Variants in ARHGAP18 observed in about 807,000 individuals in gnomAD.
The protein encoded by ARHGAP18 is Rho GTPase activating protein 18, also known as rho GTPase-activating protein 18.
Under a neutral mutation model 86.2 loss-of-function variants are expected in ARHGAP18, and 67 were observed. The observed-to-expected ratio is 0.78, with a 90% CI of 0.64 to 0.95. The LOEUF is 0.95. Ranked by LOEUF, ARHGAP18 falls within the 40% of genes least tolerant of loss-of-function variation. ARHGAP18 has a pLI of 0.00. For missense variants in ARHGAP18, 691 were observed against 780.4 expected, an observed-to-expected ratio of 0.89 and a Z score of 1.37; for synonymous variants, 283 against 280.4, an observed-to-expected ratio of 1.01 and a Z score of -0.09.
chr6:129,610,977 A>T (rs1480046630), intron 8 of ARHGAP18, among the ~76,000 whole-genome samples: 1 of 152,060 alleles, frequency 6.6e-6, no homozygotes, highest in African/African-American at 2.4e-5. Context: ...GCTCACTGCC[A>T]CATGGGACTC....
chr6:129,611,424 CTACTT>C (rs1788977036), intron 8 of ARHGAP18, 104 bp downstream of exon 8: 7 of 841,022 alleles, frequency 8.3e-6, no homozygotes, highest in Non-Finnish European at 1.3e-5. Flanking sequence ...TTTATTTTAT[CTACTT>C]TACTAACAAT....
chr6:129,625,219 GAT>G lies in ARHGAP18; in HGVS notation c.786+4132_786+4133del, dbSNP rs1475652525. ...ATATATATTTATATGTAATATATAT[GAT>G]ATATGATATATGATATATATTTATA... On this transcript the variant is annotated intron_variant, in intron 5 of 14. Transcript: ENST00000368149. 6.7e-5 allele frequency among the ~76,000 whole-genome samples: 3 copies of G among 44,866 alleles called. 1 individual carries two copies. Among genetic ancestry groups the G allele is most frequent in the South Asian group, 5.7e-4 (1 of 1,744 alleles). 29.4% of individuals were successfully genotyped at this position (44,866 alleles called of 152,430 possible). A position where few individuals can be genotyped will look rare whatever the true frequency, so the allele number is the denominator to read the frequency against.
At chr6:129,626,083 C>CACACAT (rs1789463106) in intron 5 of ARHGAP18, among the ~76,000 whole-genome samples, 2 of 127,890 alleles carry the variant, frequency 1.6e-5, no homozygotes, top group Middle Eastern at 7.8e-3. Context: ...CACACACACA[C>CACACAT]ACACACACAC....
chr6:129,708,842 G>T (rs984391813), intron 1 of ARHGAP18, among the ~76,000 whole-genome samples: 1 of 152,236 alleles, frequency 6.6e-6, no homozygotes, highest in Non-Finnish European at 1.5e-5. Flanking sequence ...TTAACATTAA[G>T]TCATTTAAAA....
intron 9 of ARHGAP18, among the ~76,000 whole-genome samples, chr6:129,606,725 G>A (rs986195534): frequency 5.9e-5 from 9 of 152,056 alleles, no homozygotes; most frequent in Admixed American, 2.0e-4. Flanking sequence ...TTAAACAGAA[G>A]AGATTTCAGT....
In ARHGAP18 at chr6:129,656,630, C is replaced by T. The variant is rs534498233; in HGVS notation, c.114-14612G>A. Among the ~76,000 whole-genome samples, 20 of 151,292 alleles carry T rather than the reference C, an allele frequency of 1.3e-4. No individual in the cohort carries two copies. In the South Asian group the frequency reaches 3.6e-3, roughly 27 times the overall value. On this transcript the variant is annotated intron_variant, in intron 1 of 14. Coordinates refer to ENST00000368149, the MANE Select transcript of ARHGAP18 (RefSeq NM_033515.3). Reference sequence around the variant, plus strand: ...CTGCACTCCAGCCTGGGCGACAAAGCGAGATTCCGTCTCAAAAAAATAATA... The same window carrying T: ...CTGCACTCCAGCCTGGGCGACAAAGTGAGATTCCGTCTCAAAAAAATAATA...
chr6:129,586,363 TGTTA>T (rs1788394555), intron 12 of ARHGAP18, among the ~76,000 whole-genome samples: 1 of 152,212 alleles, frequency 6.6e-6, no homozygotes, highest in African/African-American at 2.4e-5. Flanking sequence ...TTTTGGATTC[TGTTA>T]GTTTATCACT....
intron 1 of ARHGAP18, among the ~76,000 whole-genome samples, chr6:129,698,884 G>A (rs1238992881): frequency 6.6e-6 from 1 of 152,040 alleles, no homozygotes; most frequent in Non-Finnish European, 1.5e-5. Flanking sequence ...GTAGAGACGG[G>A]GTTTCGCCAC....
At chr6:129,625,103 A>AT (rs1562696214) in intron 5 of ARHGAP18, among the ~76,000 whole-genome samples, 1 of 80,938 alleles carries the variant, frequency 1.2e-5, no homozygotes, top group Non-Finnish European at 2.3e-5. Flanking sequence ...TATGATATAT[A>AT]TTATATATTA....
rs764589553 is a variant in ARHGAP18 at position 129,618,898 on chromosome 6, C to T, written c.787-46G>A. 7.1e-6 allele frequency: 11 copies of T among 1,544,584 alleles called. No individual in the cohort carries two copies. The Admixed American group carries it at 1.1e-4, about 16-fold the overall frequency. On this transcript the variant is annotated intron_variant, in intron 5 of 14. Coordinates refer to ENST00000368149, the MANE Select transcript of ARHGAP18 (RefSeq NM_033515.3). ...ATAGTAAAAGCTTACAGTACCTAAC[C>T]TCCATTGTAATGCAGGAAGGAAAAA...
Position 129,600,837 on chromosome 6 carries a change from T to C in ARHGAP18, c.1377A>G (p.Glu459=), listed in dbSNP as rs1788723945. 3 of 1,611,322 alleles carry C rather than the reference T, an allele frequency of 1.9e-6. No individual in the cohort carries two copies. Among genetic ancestry groups the C allele is most frequent in the Non-Finnish European group, 1.7e-6 (2 of 1,178,710 alleles). ...TATTATCTATTACTCTTTGGAGAAA[T>C]TCAAGAAGGGCCTGAAACAGAAATG... is the stretch of plus-strand genomic sequence containing the variant. ...ANRDTLKALL[E]FLQRVIDNKE... The change falls in exon 11 of 15, where the codon GAA becomes GAG. Residue 459 remains glutamate (E), a synonymous_variant. Coordinates refer to ENST00000368149, the MANE Select transcript of ARHGAP18 (RefSeq NM_033515.3).
At chr6:129,625,969 A>ATT (rs1425921604) in intron 5 of ARHGAP18, among the ~76,000 whole-genome samples, 1 of 109,602 alleles carries the variant, frequency 9.1e-6, no homozygotes, top group Non-Finnish European at 1.7e-5. Flanking sequence ...ATATTTATAT[A>ATT]TTATATATAT....
Position 129,710,112 on chromosome 6 carries a change from C to G in ARHGAP18, c.25G>C (p.Gly9Arg). The G allele has an allele frequency of 6.2e-7, 1 of 1,613,820 alleles. No homozygotes were observed. The highest frequency in any genetic ancestry group is 8.5e-7 in the Non-Finnish European group (1 of 1,179,814). Residue 9 changes from glycine (G) to arginine (R), a missense_variant, in exon 1 of 15, where the codon GGA becomes CGA. Gly to Arg is a moderately radical substitution (Grantham distance 125). Coordinates refer to ENST00000368149, the MANE Select transcript of ARHGAP18 (RefSeq NM_033515.3). ...GGGTGGTAGGCTGTTAGTACCACTC[C>G]CTGGGAACTGGAGAGCCAGCTCATG... MSWLSSSQ[G>R]VVLTAYHPSG...
Position 129,578,535 on chromosome 6 carries a change from A to T in ARHGAP18, c.1970T>A (p.Val657Asp). Reference protein sequence around the residue: ...LYQLNPNAEWVIKSKPL With the variant: ...LYQLNPNAEWDIKSKPL Reference sequence around the variant, plus strand: ...CTTCTACAATGGCTTTGACTTTATAACCCACTCAGCATTTGGGTTAAGCTG... The same window carrying T: ...CTTCTACAATGGCTTTGACTTTATATCCCACTCAGCATTTGGGTTAAGCTG... The change falls in exon 15 of 15, where the codon GTT becomes GAT. Residue 657 changes from valine (V) to aspartate (D), a missense_variant. Val to Asp is a radical substitution (Grantham distance 152). Transcript: ENST00000368149. 1 of 1,612,080 alleles carries T rather than the reference A, an allele frequency of 6.2e-7. No homozygotes were observed. Among genetic ancestry groups the T allele is most frequent in the Non-Finnish European group, 8.5e-7 (1 of 1,178,766 alleles).
At position 129,599,336 on chromosome 6, in the gene ARHGAP18, G is replaced by C. The variant is rs1158808236; in HGVS notation, c.1593C>G (p.Asn531Lys). The C allele has an allele frequency of 1.3e-6, 2 of 1,562,778 alleles. No homozygotes were observed. Among genetic ancestry groups the C allele is most frequent in the Non-Finnish European group, 1.7e-6 (2 of 1,159,130 alleles). Residue 531 changes from asparagine to lysine, a missense_variant, in exon 12 of 15, where the codon AAC (asparagine) becomes AAG (lysine). Asn to Lys is a moderately conservative substitution (Grantham distance 94, BLOSUM62 0). Transcript: ENST00000368149. The stretch of plus-strand genomic sequence containing the variant: ...TTTCCGTGTTTTGCTTCCTCACTTG[G>C]TTTACAATAAACTTGGGAATCTATA... ...LLWTIPKFIV[N>K]QVRKQNTENH... is the part of the protein sequence containing the mutation.
At chr6:129,676,885 T>C (rs1176360413) in intron 1 of ARHGAP18, among the ~76,000 whole-genome samples, 1 of 148,122 alleles carries the variant, frequency 6.8e-6, no homozygotes, top group Admixed American at 6.8e-5. Flanking sequence ...CAGTGGTTTA[T>C]CTGAAAACAG....
intron 1 of ARHGAP18, among the ~76,000 whole-genome samples, chr6:129,655,317 C>CAAAAAAAAAAAAAAAAAA (rs55681217): frequency 2.7e-5 from 2 of 75,090 alleles, no homozygotes; most frequent in East Asian, 3.6e-4. Flanking sequence ...AAAACTCTCT[C>CAAAAAAAAAAAAAAAAAA]AAAAAAAAAA....
intron 1 of ARHGAP18, among the ~76,000 whole-genome samples, chr6:129,696,919 G>A (rs916582024): frequency 2.4e-4 from 36 of 152,146 alleles, no homozygotes; most frequent in African/African-American, 7.7e-4. Context: ...CTCCCTCTGT[G>A]TGCAAGCCAT....
At chr6:129,624,366 T>C (rs535824191) in intron 5 of ARHGAP18, among the ~76,000 whole-genome samples, 43 of 151,466 alleles carry the variant, frequency 2.8e-4, no homozygotes, top group Middle Eastern at 3.4e-3. Flanking sequence ...CCGTCTCTAC[T>C]AAAAATATAA....
Sources: allele counts gnomAD v4.1 joint callset (sites outside exome capture counted in the v4.1 genomes callset), GRCh38; gene constraint gnomAD v4.1.1; transcripts MANE v1.5; gene names NCBI Gene and HGNC (gene_info 2026-07-23, HGNC 2026-07-21).